ACADSB: variants seen among roughly 807,000 people sequenced by gnomAD.
ACADSB encodes the protein acyl-CoA dehydrogenase short/branched chain.
Under a neutral mutation model 54.1 loss-of-function variants are expected in ACADSB, and 40 were observed. That is an observed-to-expected ratio of 0.74 (90% CI 0.57 to 0.96). The LOEUF (loss-of-function observed/expected upper bound fraction) is 0.96. Among genes scored for constraint, ACADSB ranks in the 40% least tolerant of loss-of-function variants. The pLI, the probability that ACADSB is intolerant of heterozygous loss-of-function variation, is 0.00. For synonymous variants in ACADSB, 182 were observed against 182.8 expected (o/e 1.00, Z 0.03); for missense variants, 530 against 510.4 (o/e 1.04, Z -0.37).
At chr10:123,027,979 C>T (rs2133467826) in intron 1 of ACADSB, among the ~76,000 whole-genome samples, 1 of 152,270 alleles carries the variant, frequency 6.6e-6, no homozygotes, top group Middle Eastern at 3.4e-3. Flanking sequence ...GATCCTTGAT[C>T]CTGCCATAAA....
At chr10:123,012,726 G>A (rs1055476657) in intron 1 of ACADSB, among the ~76,000 whole-genome samples, 4 of 152,096 alleles carry the variant, frequency 2.6e-5, no homozygotes, top group East Asian at 1.9e-4. Flanking sequence ...GCAGACCTTC[G>A]CGGTGAGTGT....
rs980550483 is a variant in ACADSB at position 123,017,092 on chromosome 10, A to G, written c.42+8021A>G. 2.6e-5 allele frequency among the ~76,000 whole-genome samples: 4 copies of G among 152,294 alleles called. 1 individual carries two copies. The highest frequency in any genetic ancestry group is 1.5e-5 in the Non-Finnish European group (1 of 68,018). ...TTCTTCTGACTATCTTCCCTGAAAA[A>G]GAGGGTGAGTTGAAGAAATTCCCAA... On this transcript the variant is annotated intron_variant, in intron 1 of 10. Transcript: ENST00000358776.
At chr10:123,042,637 G>A (rs549728277) in intron 5 of ACADSB, among the ~76,000 whole-genome samples, 2 of 150,422 alleles carry the variant, frequency 1.3e-5, no homozygotes, top group Non-Finnish European at 3.0e-5. Flanking sequence ...TAGTAGAGAC[G>A]TTTTTTCACC....
At chr10:123,037,277 T>C (rs1243083374) in intron 2 of ACADSB, among the ~76,000 whole-genome samples, 2 of 152,128 alleles carry the variant, frequency 1.3e-5, no homozygotes, top group Non-Finnish European at 2.9e-5. Flanking sequence ...ACGACCAGGT[T>C]AGATGGGATA....
chr10:123,037,230 G>C (rs917803704), intron 2 of ACADSB, among the ~76,000 whole-genome samples: 5 of 152,126 alleles, frequency 3.3e-5, no homozygotes, highest in Non-Finnish European at 1.5e-5. Context: ...TGCCAAGGTG[G>C]GGAAACCCTG....
chr10:123,015,900 A>G (rs1002867415), intron 1 of ACADSB, among the ~76,000 whole-genome samples: 3 of 152,234 alleles, frequency 2.0e-5, no homozygotes, highest in Non-Finnish European at 4.4e-5. Flanking sequence ...AAGGCCCTCA[A>G]TGAGGGTGAT....
At chr10:123,040,791 T>A in intron 4 of ACADSB, 119 bp downstream of exon 4, 1 of 938,152 alleles carries the variant, frequency 1.1e-6, no homozygotes, top group Non-Finnish European at 1.7e-6. Context: ...GCGGTATCAT[T>A]AATTCAAGCA....
In ACADSB at chr10:123,041,270, G is replaced by T; in HGVS notation, c.572G>T (p.Arg191Ile). The T allele has an allele frequency of 6.2e-7, 1 of 1,614,154 alleles. No individual in the cohort carries two copies. The highest frequency in any genetic ancestry group is 8.5e-7 in the Non-Finnish European group (1 of 1,180,030). ...AGSDSFALKT[R>I]ADKEGDYYVL... The stretch of plus-strand genomic sequence containing the variant: ...AGTGACTCATTTGCTTTGAAGACCA[G>T]AGCTGATAAAGAGGGAGATTATTAT... Residue 191 changes from arginine (R) to isoleucine (I), a missense_variant, in exon 5 of 11, where the codon AGA (arginine) becomes ATA (isoleucine). Arg to Ile is a moderately conservative substitution (Grantham distance 97, BLOSUM62 -3). Transcript: ENST00000358776.
intron 1 of ACADSB, among the ~76,000 whole-genome samples, chr10:123,033,550 A>G (rs1226211613): frequency 1.3e-5 from 2 of 151,972 alleles, no homozygotes; most frequent in African/African-American, 2.4e-5. Flanking sequence ...TGTGATGACA[A>G]CCTCCACTTC....
rs750308742 is a variant in ACADSB, at chr10:123,053,786, C to T, written c.*21C>T. Reference sequence around the variant, plus strand: ...ACTGACGTCTATAGGAGTGGGACCCCTCCCTGGTGTCACTGCTGTAAAATT... The same window carrying T: ...ACTGACGTCTATAGGAGTGGGACCCTTCCCTGGTGTCACTGCTGTAAAATT... On this transcript the variant is annotated 3_prime_UTR_variant, in exon 11 of 11. Coordinates refer to ENST00000358776, the MANE Select transcript of ACADSB (RefSeq NM_001609.4). 6.2e-7 allele frequency: 1 copy of T among 1,603,286 alleles called. No homozygotes were observed. The highest frequency in any genetic ancestry group is 8.5e-7 in the Non-Finnish European group (1 of 1,170,138).
rs1317489499 is a variant in ACADSB at position 123,051,191 on chromosome 10, A to C, written c.1128+5A>C. 4 of 280,832 alleles carry C rather than the reference A, an allele frequency of 1.4e-5. No individual in the cohort carries two copies. The highest frequency in any genetic ancestry group is 2.2e-5 in the Non-Finnish European group (4 of 183,388). 17.4% of individuals were successfully genotyped at this position (280,832 alleles called of 1,614,324 possible). A position where few individuals can be genotyped will look rare whatever the true frequency, so the allele number is the denominator to read the frequency against. On this transcript the variant is annotated splice_donor_5th_base_variant and intron_variant, in intron 9 of 10. Transcript: ENST00000358776. ...GCCAAATACTATGCATCAGAGGTAA[A>C]AAAAAAAAAAAAAAAAAAAAAGGAA...
rs1850651754 is a variant in ACADSB, at chr10:123,052,964, T to C, written c.1129-97T>C. On this transcript the variant is annotated intron_variant, in intron 9 of 10. Coordinates refer to ENST00000358776, the MANE Select transcript of ACADSB (RefSeq NM_001609.4). The surrounding 1 kb of genome is among the most constrained non-coding windows in gnomAD (Gnocchi z 4.2). ...ATAACTTTAGTCCTTCCAGTGCCAC[T>C]AACAGTAAATCCATGTTGCTGAAAA... 2.2e-6 allele frequency: 2 copies of C among 926,374 alleles called. No individual in the cohort carries two copies. Among genetic ancestry groups the C allele is most frequent in the Admixed American group, 1.8e-5 (1 of 56,702 alleles). The allele number at this position is 926,374 out of a possible 1,614,324, so 57.4% of individuals were successfully genotyped here.
At chr10:123,032,427 A>G (rs1469727955) in intron 1 of ACADSB, among the ~76,000 whole-genome samples, 3 of 152,152 alleles carry the variant, frequency 2.0e-5, no homozygotes, top group Admixed American at 1.3e-4. Context: ...TTGAAATGTA[A>G]TAGGTAAGTT....
chr10:123,047,367 T>C lies in ACADSB; in HGVS notation c.990+69T>C. 7 of 1,114,600 alleles carry C rather than the reference T, an allele frequency of 6.3e-6. No homozygotes were observed. In the South Asian group the frequency reaches 8.7e-5, roughly 14 times the overall value. 69.0% of individuals were successfully genotyped at this position (1,114,600 alleles called of 1,614,324 possible). ...GCTTCCTGTTAATGAAGGGCTGTGT[T>C]GAAATCCATGGAGGGAATCCCTTCA... On this transcript the variant is annotated intron_variant, in intron 8 of 10. Coordinates refer to ENST00000358776, the MANE Select transcript of ACADSB (RefSeq NM_001609.4).
At chr10:123,009,515 CATTCTG>C (rs1849974948) in intron 1 of ACADSB, among the ~76,000 whole-genome samples, 1 of 152,212 alleles carries the variant, frequency 6.6e-6, no homozygotes, top group Non-Finnish European at 1.5e-5. Flanking sequence ...GGCCCAGTCT[CATTCTG>C]AGCAGGTGTC....
In ACADSB at chr10:123,037,809, A is replaced by T; in HGVS notation, c.265A>T (p.Met89Leu). ...LVSTMDENSK[M>L]EKSVIQGLFQ... ...TTCAACCATGGATGAAAATTCGAAA[A>T]TGGAGAAATCAGTAATACAAGGATT... The change falls in exon 3 of 11, where the codon ATG becomes TTG. Residue 89 changes from methionine to leucine, a missense_variant. Transcript: ENST00000358776. The T allele has an allele frequency of 6.2e-7, 1 of 1,611,554 alleles. No homozygotes were observed. The highest frequency in any genetic ancestry group is 8.5e-7 in the Non-Finnish European group (1 of 1,177,850).
At chr10:123,010,177 A>C (rs1045092171) in intron 1 of ACADSB, among the ~76,000 whole-genome samples, 2 of 152,248 alleles carry the variant, frequency 1.3e-5, no homozygotes, top group Non-Finnish European at 2.9e-5. Context: ...AAATTTATTG[A>C]CCGCATACTC....
At chr10:123,020,487 C>A (rs1320855383) in intron 1 of ACADSB, among the ~76,000 whole-genome samples, 6 of 152,182 alleles carry the variant, frequency 3.9e-5, no homozygotes, top group Non-Finnish European at 8.8e-5. Flanking sequence ...AACCATTCAC[C>A]CACTGAAGGA....
In ACADSB at chr10:123,052,817, C is replaced by T. The variant is rs572707219; in HGVS notation, c.1129-244C>T. 2 of 519,734 alleles carry T rather than the reference C, an allele frequency of 3.8e-6. No homozygotes were observed. Among genetic ancestry groups the T allele is most frequent in the East Asian group, 7.5e-5 (2 of 26,798 alleles). The allele number at this position is 519,734 out of a possible 1,614,324, so 32.2% of individuals were successfully genotyped here. A position where few individuals can be genotyped will look rare whatever the true frequency, so the allele number is the denominator to read the frequency against. ...TTCCTGAATAAATGATATCTCTCAG[C>T]ATGCAGATTCATGTGAACAATGCTC... is the stretch of plus-strand genomic sequence containing the variant. On this transcript the variant is annotated intron_variant, in intron 9 of 10. Coordinates refer to ENST00000358776, the MANE Select transcript of ACADSB (RefSeq NM_001609.4). This position sits in a 1 kb window ranked among gnomAD's most constrained non-coding sequence, Gnocchi z 4.2.
Sources: gnomAD v4.1 joint callset for allele counts (sites outside exome capture counted in the v4.1 genomes callset) on GRCh38, gnomAD v4.1.1 for gene constraint, Gnocchi (gnomAD v3.1) non-coding constraint, MANE v1.5 for transcripts, NCBI Gene and HGNC (gene_info 2026-07-23, HGNC 2026-07-21) for gene names.